The following PTPRD variants were observed in gnomAD, a reference collection of about 807,000 sequenced individuals.
The protein encoded by PTPRD is receptor-type tyrosine-protein phosphatase delta.
Under a neutral mutation model 214.5 loss-of-function variants are expected in PTPRD, and 34 were observed. The observed-to-expected ratio is 0.16, with a 90% CI of 0.12 to 0.21. The LOEUF (loss-of-function observed/expected upper bound fraction) is 0.21. Among genes scored for constraint, PTPRD ranks in the 10% least tolerant of loss-of-function variants. PTPRD has a pLI of 1.00. For synonymous variants in PTPRD, 1,128 were observed against 845.7 expected, an observed-to-expected ratio of 1.33 and a Z score of -5.79; for missense variants, 2,545 against 2,398.7, an observed-to-expected ratio of 1.06 and a Z score of -1.27.
At chr9:9,779,921 A>G (rs1245035798) in intron 5 of PTPRD, among the ~76,000 whole-genome samples, 6 of 152,320 alleles carry the variant, frequency 3.9e-5, no homozygotes, top group African/African-American at 9.6e-5. Flanking sequence ...TACCCCAAAG[A>G]AAATAGGTCA....
chr9:9,233,908 G>A (rs960675542), intron 9 of PTPRD, among the ~76,000 whole-genome samples: 12 of 152,198 alleles, frequency 7.9e-5, no homozygotes, highest in Admixed American at 2.6e-4. Context: ...GGCATTGAAT[G>A]TCTACAGCTT....
At chr9:9,672,561 CA>C (rs1285367408) in intron 7 of PTPRD, among the ~76,000 whole-genome samples, 1 of 152,040 alleles carries the variant, frequency 6.6e-6, no homozygotes, top group Non-Finnish European at 1.5e-5. Flanking sequence ...AATTCCCAAC[CA>C]ATTTAACCTT....
intron 2 of PTPRD, among the ~76,000 whole-genome samples, chr9:10,552,568 T>G (rs2061573792): frequency 6.6e-6 from 1 of 152,170 alleles, no homozygotes; most frequent in Non-Finnish European, 1.5e-5. Context: ...AATCCCATAA[T>G]GCATCACATT....
chr9:9,681,112 T>A (rs1262458087), intron 7 of PTPRD, among the ~76,000 whole-genome samples: 1 of 151,844 alleles, frequency 6.6e-6, no homozygotes, highest in African/African-American at 2.4e-5. Context: ...TAAATATTTC[T>A]AAAAAATGGA....
chr9:8,601,765 T>C (rs140833693), intron 14 of PTPRD, among the ~76,000 whole-genome samples: 54 of 152,274 alleles, frequency 3.5e-4, no homozygotes, highest in Non-Finnish European at 6.2e-4. Flanking sequence ...ACGAATAGCA[T>C]AGAATTCAAA....
At chr9:10,244,379 T>C (rs987836383) in intron 3 of PTPRD, among the ~76,000 whole-genome samples, 2 of 152,132 alleles carry the variant, frequency 1.3e-5, no homozygotes, top group African/African-American at 2.4e-5. Context: ...TGGTAGATGG[T>C]TGATAAAGGT....
At chr9:9,721,682 C>T (rs1243859602) in intron 7 of PTPRD, among the ~76,000 whole-genome samples, 6 of 152,102 alleles carry the variant, frequency 3.9e-5, no homozygotes, top group Non-Finnish European at 1.5e-5. Flanking sequence ...TGTGTTTAAA[C>T]TCTCCCTGAT....
chr9:8,753,960 C>G (rs188388819), intron 11 of PTPRD, among the ~76,000 whole-genome samples: 2 of 152,086 alleles, frequency 1.3e-5, no homozygotes, highest in African/African-American at 4.8e-5. Context: ...GCCAAGCCAA[C>G]GTGGAGAAAC....
intron 33 of PTPRD, among the ~76,000 whole-genome samples, chr9:8,451,593 T>A (rs759825122): frequency 3.3e-5 from 5 of 152,128 alleles, no homozygotes; most frequent in Non-Finnish European, 7.4e-5. Context: ...ACTAAGAGAT[T>A]CCTTTTACCA....
Position 8,823,629 on chromosome 9 carries a change from G to A in PTPRD, c.-103-89683C>T, listed in dbSNP as rs565178186. On this transcript the variant is annotated intron_variant, in intron 11 of 45. Transcript: ENST00000381196. ...TCACACCACTGCACTCCAGCCTGGG[G>A]AAACAGAGTGAGACCCTGTTTCAAA... 7.2e-5 allele frequency among the ~76,000 whole-genome samples: 11 copies of A among 151,976 alleles called. No homozygotes were observed. In the East Asian group the frequency reaches 9.8e-4, roughly 13 times the overall value.
intron 10 of PTPRD, among the ~76,000 whole-genome samples, chr9:9,113,151 T>A (rs2154453379): frequency 6.6e-6 from 1 of 151,616 alleles, no homozygotes; most frequent in African/African-American, 2.4e-5. Context: ...ATATATATAT[T>A]ATTTTTTAGA....
At chr9:9,931,013 A>G (rs1338862541) in intron 5 of PTPRD, among the ~76,000 whole-genome samples, 1 of 152,044 alleles carries the variant, frequency 6.6e-6, no homozygotes, top group Non-Finnish European at 1.5e-5. Flanking sequence ...ATAGAATTTT[A>G]CTCCAATTCT....
At chr9:8,697,726 G>A (rs1391032133) in intron 12 of PTPRD, among the ~76,000 whole-genome samples, 1 of 151,886 alleles carries the variant, frequency 6.6e-6, no homozygotes, top group East Asian at 1.9e-4. Flanking sequence ...CCCAGGCCTG[G>A]ATTTTTTTAA....
intron 10 of PTPRD, among the ~76,000 whole-genome samples, chr9:9,161,653 G>T (rs760281339): frequency 6.6e-6 from 1 of 152,040 alleles, no homozygotes; most frequent in Non-Finnish European, 1.5e-5. Context: ...GAGAATACTG[G>T]TATTCCTTGT....
At chr9:9,463,932 G>C (rs2093906624) in intron 8 of PTPRD, among the ~76,000 whole-genome samples, 2 of 152,124 alleles carry the variant, frequency 1.3e-5, no homozygotes, top group South Asian at 4.1e-4. Flanking sequence ...TGGACAGTGA[G>C]ACACCAGACC....
At chr9:8,748,522 CAAAAAAA>C (rs1239091825) in intron 11 of PTPRD, among the ~76,000 whole-genome samples, 6 of 37,862 alleles carry the variant, frequency 1.6e-4, no homozygotes, top group South Asian at 1.8e-3. Context: ...CCTGCAACTG[CAAAAAAA>C]AAAAAAAAAA....
chr9:9,811,621 G>A (rs576092684), intron 5 of PTPRD, among the ~76,000 whole-genome samples: 4 of 152,208 alleles, frequency 2.6e-5, no homozygotes, highest in South Asian at 2.1e-4. Flanking sequence ...GCAGAAGAAC[G>A]GTGTGAACAC....
chr9:10,079,686 T>G (rs1172693302), intron 3 of PTPRD, among the ~76,000 whole-genome samples: 4 of 152,156 alleles, frequency 2.6e-5, no homozygotes, highest in Non-Finnish European at 5.9e-5. Flanking sequence ...CCCCAAGATC[T>G]TTCACAGCTG....
At position 9,762,835 on chromosome 9, in the gene PTPRD, A is replaced by T. The variant is rs139299056; in HGVS notation, c.-326+3975T>A. 5.1e-3 allele frequency among the ~76,000 whole-genome samples: 771 copies of T among 152,356 alleles called. 9 individuals are homozygous for T. The highest frequency in any genetic ancestry group is 0.018 in the African/African-American group (736 of 41,580). On this transcript the variant is annotated intron_variant, in intron 6 of 45. Transcript: ENST00000381196. Reference sequence around the variant, plus strand: ...CTTGATGTCAAAGTTTGTCTTAATCAGCTGGGTTGCCATAGCAAGATACCA... The same window carrying T: ...CTTGATGTCAAAGTTTGTCTTAATCTGCTGGGTTGCCATAGCAAGATACCA...
Sources: allele counts gnomAD v4.1 joint callset (sites outside exome capture counted in the v4.1 genomes callset), GRCh38; gene constraint gnomAD v4.1.1; transcripts MANE v1.5; gene names NCBI Gene and HGNC (gene_info 2026-07-23, HGNC 2026-07-21).